USP32: variants seen among roughly 807,000 people sequenced by gnomAD.
The protein encoded by USP32 is ubiquitin specific peptidase 32, also known as ubiquitin carboxyl-terminal hydrolase 32.
In USP32, 59 loss-of-function variants were observed where a neutral mutation model predicts 204.8. That is an observed-to-expected ratio of 0.29 (90% CI 0.23 to 0.36). USP32 has a LOEUF of 0.36. Among genes scored for constraint, USP32 ranks in the 10% least tolerant of loss-of-function variants. USP32 has a pLI of 1.00. For synonymous variants in USP32, 517 were observed against 678.4 expected (o/e 0.76, Z 3.70); for missense variants, 1,160 against 1,946.4 (o/e 0.60, Z 7.60).
rs971269330 is a variant in USP32, at chr17:60,238,756, A to T, written c.1137-2516T>A. ...GAGGCAGAGTTTGCAGTGAGTCGAGATCATGCCATTGCACTCCAGCCTGGG... is the reference window on the plus strand; with the variant it reads ...GAGGCAGAGTTTGCAGTGAGTCGAGTTCATGCCATTGCACTCCAGCCTGGG... On this transcript the variant is annotated intron_variant, in intron 11 of 33. Coordinates refer to ENST00000300896, the MANE Select transcript of USP32 (RefSeq NM_032582.4). 7.7e-4 allele frequency among the ~76,000 whole-genome samples: 116 copies of T among 150,920 alleles called. 1 individual carries two copies. The highest frequency in any genetic ancestry group is 2.4e-3 in the Admixed American group (36 of 15,100).
chr17:60,414,136 G>C (rs1370124497), intron 1 of USP32, among the ~76,000 whole-genome samples: 1 of 152,072 alleles, frequency 6.6e-6, no homozygotes, highest in Non-Finnish European at 1.5e-5. Flanking sequence ...GCCATGGTGG[G>C]CAGATCACTT....
At chr17:60,346,156 G>A (rs2088781065) in intron 1 of USP32, among the ~76,000 whole-genome samples, 2 of 151,648 alleles carry the variant, frequency 1.3e-5, no homozygotes, top group Admixed American at 1.3e-4. Flanking sequence ...TGTTGCCCAG[G>A]CTGGTCTTGA....
rs1049295986 is a variant in USP32, at chr17:60,328,591, C to G, written c.186+16890G>C. Reference sequence around the variant, plus strand: ...CCACTAAATGGCAAGGCTAAAAGAGCTATAACATAAACAGAGCTGAAACAT... The same window carrying G: ...CCACTAAATGGCAAGGCTAAAAGAGGTATAACATAAACAGAGCTGAAACAT... On this transcript the variant is annotated intron_variant, in intron 2 of 33. Transcript: ENST00000300896. 5.3e-5 allele frequency among the ~76,000 whole-genome samples: 8 copies of G among 152,320 alleles called. No individual in the cohort carries two copies. In the South Asian group the frequency reaches 1.2e-3, roughly 24 times the overall value.
At chr17:60,302,106 T>TTTA (rs2087593965) in intron 2 of USP32, among the ~76,000 whole-genome samples, 1 of 116,506 alleles carries the variant, frequency 8.6e-6, no homozygotes. Context: ...ATATAAATAT[T>TTTA]TTGTTTGTTT....
At position 60,213,771 on chromosome 17, in the gene USP32, A is replaced by G; in HGVS notation, c.2023-109T>C. 1.0e-5 allele frequency: 13 copies of G among 1,282,004 alleles called. No individual in the cohort carries two copies. The African/African-American group carries it at 1.3e-4, about 13-fold the overall frequency. The allele number at this position is 1,282,004 out of a possible 1,614,324, so 79.4% of individuals were successfully genotyped here. A position where few individuals can be genotyped will look rare whatever the true frequency, so the allele number is the denominator to read the frequency against. Reference sequence around the variant, plus strand: ...AAAACAACTTCTTTGTAGTTATATAACATATCACAAATATCTGGCCTACTA... The same window carrying G: ...AAAACAACTTCTTTGTAGTTATATAGCATATCACAAATATCTGGCCTACTA... On this transcript the variant is annotated intron_variant, in intron 17 of 33. Transcript: ENST00000300896.
intron 1 of USP32, among the ~76,000 whole-genome samples, chr17:60,404,093 C>T (rs2089957849): frequency 6.6e-6 from 1 of 151,440 alleles, no homozygotes; most frequent in African/African-American, 2.4e-5. Flanking sequence ...TATGCGCACA[C>T]ACACATATTT....
chr17:60,277,789 G>C (rs903754044), intron 5 of USP32, among the ~76,000 whole-genome samples: 4 of 151,924 alleles, frequency 2.6e-5, no homozygotes, highest in Admixed American at 2.6e-4. Flanking sequence ...ACATTCTGGG[G>C]AAATGCCAAA....
In USP32 at chr17:60,266,934, G is replaced by A. The variant is rs535674224; in HGVS notation, c.812-843C>T. Among the ~76,000 whole-genome samples, 32 of 151,048 alleles carry A rather than the reference G, an allele frequency of 2.1e-4. No homozygotes were observed. The South Asian group carries it at 6.7e-3, about 32-fold the overall frequency. On this transcript the variant is annotated intron_variant, in intron 7 of 33. Coordinates refer to ENST00000300896, the MANE Select transcript of USP32 (RefSeq NM_032582.4). ...CTCCCAAAGTGCTGGGATTACAGGC[G>A]TGAGCCACTGTGCCCGGCCAATTTT...
chr17:60,271,517 G>T (rs746457499), intron 5 of USP32, 36 bp from the exon 6 acceptor site: 13 of 1,605,152 alleles, frequency 8.1e-6, no homozygotes, highest in Non-Finnish European at 6.8e-6. Flanking sequence ...TAAAACCTCA[G>T]AATTCTCTTC....
chr17:60,241,048 A>T (rs1329025246), intron 11 of USP32, among the ~76,000 whole-genome samples: 1 of 152,148 alleles, frequency 6.6e-6, no homozygotes, highest in Non-Finnish European at 1.5e-5. Context: ...CCCAGGCTGG[A>T]GTGCAGTGGC....
intron 28 of USP32, among the ~76,000 whole-genome samples, chr17:60,192,591 C>T (rs549437650): frequency 2.2e-4 from 33 of 152,088 alleles, no homozygotes; most frequent in Non-Finnish European, 3.8e-4. Context: ...CGCATCACCA[C>T]GCCCCGCTAA....
At chr17:60,238,540 C>T (rs577810146) in intron 11 of USP32, among the ~76,000 whole-genome samples, 12 of 152,008 alleles carry the variant, frequency 7.9e-5, no homozygotes, top group South Asian at 4.2e-4. Flanking sequence ...CAGTGCCTCA[C>T]GCCTATAATC....
At chr17:60,373,224 G>C (rs982403636) in intron 1 of USP32, among the ~76,000 whole-genome samples, 1 of 151,918 alleles carries the variant, frequency 6.6e-6, no homozygotes, top group Non-Finnish European at 1.5e-5. Flanking sequence ...TTTTAAAAAA[G>C]GTACACCTAT....
At chr17:60,367,580 GT>G (rs2089343097) in intron 1 of USP32, among the ~76,000 whole-genome samples, 1 of 152,232 alleles carries the variant, frequency 6.6e-6, no homozygotes, top group South Asian at 2.1e-4. Context: ...GCAGGCTGAG[GT>G]GGGTGGATCA....
chr17:60,421,578 C>G (rs1433494461), intron 1 of USP32: 1 of 985,068 alleles, frequency 1.0e-6, no homozygotes, highest in African/African-American at 1.7e-5. Flanking sequence ...AAAGGTGGCT[C>G]GAGTGAGGAA....
At chr17:60,294,521 G>A (rs1446176083) in intron 4 of USP32, among the ~76,000 whole-genome samples, 162 bp downstream of exon 4, 3 of 152,052 alleles carry the variant, frequency 2.0e-5, no homozygotes, top group Non-Finnish European at 4.4e-5. Context: ...TAACAGTAAT[G>A]AGAGTCATGC....
Position 60,177,991 on chromosome 17 carries a change from A to T in USP32, c.*1264T>A, listed in dbSNP as rs1263185013. On this transcript the variant is annotated 3_prime_UTR_variant, in exon 34 of 34. Transcript: ENST00000300896. ...GAAAAAAATGCTACCTGAAATAAAT[A>T]ATATTTATACTTTTGTTCCAGTCTT... Among the ~76,000 whole-genome samples, 1 of 152,178 alleles carries T rather than the reference A, an allele frequency of 6.6e-6. No homozygotes were observed. The highest frequency in any genetic ancestry group is 1.5e-5 in the Non-Finnish European group (1 of 68,040).
intron 33 of USP32, among the ~76,000 whole-genome samples, chr17:60,179,674 A>G (rs2084049583): frequency 6.6e-6 from 1 of 150,932 alleles, no homozygotes; most frequent in Non-Finnish European, 1.5e-5. Flanking sequence ...ATCAAATTCT[A>G]TTTATTTATT....
intron 2 of USP32, among the ~76,000 whole-genome samples, chr17:60,332,345 T>C (rs2088409349): frequency 6.6e-6 from 1 of 151,902 alleles, no homozygotes; most frequent in Non-Finnish European, 1.5e-5. Context: ...AACATTTCTA[T>C]CGCCTCAAAA....
Sources: gnomAD v4.1 joint callset for allele counts (sites outside exome capture counted in the v4.1 genomes callset) on GRCh38, gnomAD v4.1.1 for gene constraint, MANE v1.5 for transcripts, NCBI Gene and HGNC (gene_info 2026-07-23, HGNC 2026-07-21) for gene names.